Variants in SLIT3 observed in about 807,000 individuals in gnomAD.
SLIT3 encodes slit guidance ligand 3.
In SLIT3, 68 loss-of-function variants were observed where a neutral mutation model predicts 184.0. That is an observed-to-expected ratio of 0.37 (90% CI 0.30 to 0.45). The LOEUF (loss-of-function observed/expected upper bound fraction) is 0.45. Ranked by LOEUF, SLIT3 falls within the 20% of genes least tolerant of loss-of-function variation. The probability of loss-of-function intolerance (pLI) is 1.00; values close to 1 mark genes in which losing one functional copy is unlikely to be tolerated. For missense variants in SLIT3, 1,707 were observed against 2,026.0 expected (o/e 0.84, Z 3.02); for synonymous variants, 831 against 828.6 (o/e 1.00, Z -0.05).
intron 4 of SLIT3, among the ~76,000 whole-genome samples, chr5:168,940,197 G>T (rs1264742602): frequency 6.6e-6 from 1 of 152,236 alleles, no homozygotes; most frequent in Non-Finnish European, 1.5e-5. Flanking sequence ...GGTTTGCTCT[G>T]TTCAAGTCTT....
chr5:169,140,231 A>C (rs1043593358), intron 4 of SLIT3, among the ~76,000 whole-genome samples: 86 of 149,726 alleles, frequency 5.7e-4, no homozygotes, highest in African/African-American at 2.0e-3. Context: ...TTGGGAGACC[A>C]AAGTGGGCAG....
chr5:169,270,256 G>A (rs1766553366), intron 1 of SLIT3, among the ~76,000 whole-genome samples: 1 of 152,120 alleles, frequency 6.6e-6, no homozygotes, highest in Non-Finnish European at 1.5e-5. Context: ...TGCCAGGACC[G>A]AGTCTAATCC....
Position 168,696,377 on chromosome 5 carries a change from G to T in SLIT3, c.2997C>A (p.Asp999Glu). ...EGQRCEINPD[D>E]CEDNDCENNA... ...TGTTTTCGCAGTCGTTGTCCTCACA[G>T]TCATCTGGGTTGATCTCACACCGCT... The change falls in exon 28 of 36, where the codon GAC becomes GAA. Residue 999 changes from aspartate (D) to glutamate (E), a missense_variant. Asp to Glu is a conservative substitution (Grantham distance 45). Coordinates refer to ENST00000519560, the MANE Select transcript of SLIT3 (RefSeq NM_003062.4). The T allele has an allele frequency of 6.2e-7, 1 of 1,614,166 alleles. No individual in the cohort carries two copies. Among genetic ancestry groups the T allele is most frequent in the South Asian group, 1.1e-5 (1 of 91,074 alleles).
At chr5:168,894,918 G>A (rs997032017) in intron 4 of SLIT3, among the ~76,000 whole-genome samples, 4 of 152,170 alleles carry the variant, frequency 2.6e-5, no homozygotes, top group African/African-American at 9.7e-5. Flanking sequence ...TGTTAGAAGA[G>A]GGTCATTGGC....
At chr5:169,002,600 G>T (rs1755758824) in intron 4 of SLIT3, among the ~76,000 whole-genome samples, 1 of 152,190 alleles carries the variant, frequency 6.6e-6, no homozygotes, top group African/African-American at 2.4e-5. Flanking sequence ...GTGAGTATGG[G>T]AATGGCAATG....
intron 6 of SLIT3, among the ~76,000 whole-genome samples, chr5:168,840,833 C>A (rs945014380): frequency 1.3e-5 from 2 of 152,254 alleles, no homozygotes; most frequent in South Asian, 4.1e-4. Flanking sequence ...GTAGAGCCCC[C>A]AAACTGTGGA....
chr5:168,836,505 C>T (rs1238069478), intron 6 of SLIT3, among the ~76,000 whole-genome samples: 1 of 152,176 alleles, frequency 6.6e-6, no homozygotes, highest in African/African-American at 2.4e-5. Flanking sequence ...CCCCTGCCCT[C>T]CACATCTTGC....
Position 168,753,911 on chromosome 5 carries a change from C to T in SLIT3, c.1782G>A (p.Glu594=), listed in dbSNP as rs1422019894. 6.2e-7 allele frequency: 1 copy of T among 1,612,162 alleles called. No homozygotes were observed. The highest frequency in any genetic ancestry group is 2.2e-5 in the East Asian group (1 of 44,902). The part of the protein sequence containing the change: ...QELMLTGNQL[E]TVHGRVFRGL... ...CACGGAACACGCGCCCGTGCACGGTCTCCAGCTGGTTCCCTGTCAGCATCA... is the reference window on the plus strand; with the variant it reads ...CACGGAACACGCGCCCGTGCACGGTTTCCAGCTGGTTCCCTGTCAGCATCA... Residue 594 remains glutamate, a synonymous_variant, in exon 17 of 36, where the codon GAG becomes GAA. Coordinates refer to ENST00000519560, the MANE Select transcript of SLIT3 (RefSeq NM_003062.4).
intron 4 of SLIT3, among the ~76,000 whole-genome samples, chr5:169,081,439 T>A (rs890137274): frequency 3.3e-5 from 5 of 152,130 alleles, no homozygotes; most frequent in African/African-American, 4.8e-5. Flanking sequence ...GCCCTGGGGT[T>A]TCAGCAGGAA....
At chr5:168,752,910 A>C in intron 18 of SLIT3, 45 bp downstream of exon 18, 1 of 1,594,644 alleles carries the variant, frequency 6.3e-7, no homozygotes. Context: ...AGCGCTGCAG[A>C]GTGGGATCCC....
Position 169,165,021 on chromosome 5 carries a change from C to T in SLIT3, c.413+28458G>A, listed in dbSNP as rs934875829. On this transcript the variant is annotated intron_variant, in intron 4 of 35. Transcript: ENST00000519560. ...TTCAAACAGTAATGATAATGCATGACCTCCCGGACTCTAGGGAGGGATAAG... is the reference window on the plus strand; with the variant it reads ...TTCAAACAGTAATGATAATGCATGATCTCCCGGACTCTAGGGAGGGATAAG... 5.9e-5 allele frequency among the ~76,000 whole-genome samples: 9 copies of T among 152,312 alleles called. No homozygotes were observed. In the South Asian group the frequency reaches 1.9e-3, roughly 32 times the overall value.
chr5:169,247,606 C>G (rs912091685), intron 2 of SLIT3, among the ~76,000 whole-genome samples: 1 of 152,174 alleles, frequency 6.6e-6, no homozygotes. Flanking sequence ...ATATGAGATA[C>G]ACCGTTTCCA....
chr5:168,787,706 C>T (rs1222310345), intron 11 of SLIT3, among the ~76,000 whole-genome samples: 1 of 152,138 alleles, frequency 6.6e-6, no homozygotes, highest in Non-Finnish European at 1.5e-5. Flanking sequence ...AGTAACGTTA[C>T]ATGGCTGTTC....
chr5:168,743,872 C>A lies in SLIT3; in HGVS notation c.2270+4430G>T, dbSNP rs540562921. ...AGAAAAATCAAACCAGCTAAACATT[C>A]CCTCAAGCCAAAGCCTAATCCAGAG... On this transcript the variant is annotated intron_variant, in intron 20 of 35. Transcript: ENST00000519560. Among the ~76,000 whole-genome samples, 6 of 152,324 alleles carry A rather than the reference C, an allele frequency of 3.9e-5. No individual in the cohort carries two copies. In the East Asian group the frequency reaches 1.2e-3, roughly 29 times the overall value.
chr5:168,826,500 C>T (rs1251767253), intron 6 of SLIT3, among the ~76,000 whole-genome samples: 4 of 152,178 alleles, frequency 2.6e-5, no homozygotes, highest in Admixed American at 2.6e-4. Flanking sequence ...TTGTTACAAC[C>T]CCAATGCCAA....
At chr5:169,158,837 A>C (rs1561704328) in intron 4 of SLIT3, among the ~76,000 whole-genome samples, 1 of 152,236 alleles carries the variant, frequency 6.6e-6, no homozygotes, top group Non-Finnish European at 1.5e-5. Context: ...ACCTATAAAT[A>C]AATCAAAATG....
chr5:169,010,735 C>T (rs571514636), intron 4 of SLIT3, among the ~76,000 whole-genome samples: 9 of 152,138 alleles, frequency 5.9e-5, no homozygotes, highest in Non-Finnish European at 1.2e-4. Flanking sequence ...AACCCCGTCA[C>T]TACCAAAATA....
chr5:168,751,473 A>T (rs1463607489), intron 18 of SLIT3, among the ~76,000 whole-genome samples: 1 of 152,030 alleles, frequency 6.6e-6, no homozygotes, highest in African/African-American at 2.4e-5. Context: ...CCTCATAACC[A>T]TCCTAGGAGG....
chr5:168,697,737 T>C (rs1762103232), intron 27 of SLIT3, among the ~76,000 whole-genome samples: 1 of 152,186 alleles, frequency 6.6e-6, no homozygotes, highest in Non-Finnish European at 1.5e-5. Context: ...GTCTCAGCTC[T>C]TGGGGTACAG....
Sources: gnomAD v4.1 joint callset for allele counts (sites outside exome capture counted in the v4.1 genomes callset) on GRCh38, gnomAD v4.1.1 for gene constraint, MANE v1.5 for transcripts, NCBI Gene and HGNC (gene_info 2026-07-23, HGNC 2026-07-21) for gene names.